The following ARID5B variants were observed in gnomAD, a reference collection of about 807,000 sequenced individuals.
ARID5B encodes AT-rich interaction domain 5B, also known as AT-rich interactive domain-containing protein 5B.
A neutral mutation model predicts 97.2 loss-of-function variants in ARID5B; 13 were observed. The ratio of observed to expected loss-of-function variants is 0.13; its 90% CI spans 0.09 to 0.21. ARID5B has a LOEUF of 0.21. Ranked by LOEUF, ARID5B falls within the 10% of genes least tolerant of loss-of-function variation. ARID5B has a pLI of 1.00. For missense variants in ARID5B, 1,210 were observed against 1,465.3 expected, an observed-to-expected ratio of 0.83 and a Z score of 2.84; for synonymous variants, 556 against 570.3, an observed-to-expected ratio of 0.97 and a Z score of 0.36.
In ARID5B at chr10:62,096,830, C is replaced by T; in HGVS notation, c.*3800C>T. The T allele has an allele frequency of 4.3e-6, 1 of 233,434 alleles. No homozygotes were observed. Among genetic ancestry groups the T allele is most frequent in the South Asian group, 1.8e-4 (1 of 5,528 alleles). 14.5% of individuals were successfully genotyped at this position (233,434 alleles called of 1,614,324 possible). On this transcript the variant is annotated 3_prime_UTR_variant, in exon 10 of 10. Coordinates refer to ENST00000279873, the MANE Select transcript of ARID5B (RefSeq NM_032199.3). ...TATGTTTTCCAAATTGTACTTATTACTGCTTTTGATACTGTATTACGTGCC... is the reference window on the plus strand; with the variant it reads ...TATGTTTTCCAAATTGTACTTATTATTGCTTTTGATACTGTATTACGTGCC...
At chr10:62,030,466 G>A (rs1416296924) in intron 4 of ARID5B, among the ~76,000 whole-genome samples, 6 of 152,126 alleles carry the variant, frequency 3.9e-5, no homozygotes, top group Non-Finnish European at 5.9e-5. Context: ...CGCACAACAG[G>A]AAAAGCAGAA....
chr10:61,963,167 A>G lies in ARID5B; in HGVS notation c.502+22759A>G, dbSNP rs199925018. Among the ~76,000 whole-genome samples the G allele has an allele frequency of 7.9e-5, 12 of 152,338 alleles. No individual in the cohort carries two copies. In the East Asian group the frequency reaches 1.3e-3, roughly 17 times the overall value. ...AAATAGAAAATATTCTTAAAGAAAA[A>G]TAAGATATTCCCGCATGTCTCTCTT... On this transcript the variant is annotated intron_variant, in intron 3 of 9. Transcript: ENST00000279873.
rs1170439376 is a variant in ARID5B at position 62,041,593 on chromosome 10, T to C, written c.734-9295T>C. Among the ~76,000 whole-genome samples, 4 of 152,220 alleles carry C rather than the reference T, an allele frequency of 2.6e-5. No homozygotes were observed. The South Asian group carries it at 8.3e-4, about 32-fold the overall frequency. On this transcript the variant is annotated intron_variant, in intron 4 of 9. Transcript: ENST00000279873. ...GTTTCTTATGTGTATGTCTTTTAAATATTAAAATGTATCCCATGACATACT... is the reference window on the plus strand; with the variant it reads ...GTTTCTTATGTGTATGTCTTTTAAACATTAAAATGTATCCCATGACATACT...
chr10:61,945,668 C>T (rs1844487656), intron 3 of ARID5B, among the ~76,000 whole-genome samples: 1 of 151,976 alleles, frequency 6.6e-6, no homozygotes, highest in Non-Finnish European at 1.5e-5. Context: ...ATAATATGTA[C>T]CTGGCTGTTT....
chr10:61,979,510 C>CGG (rs1322625574), intron 3 of ARID5B, among the ~76,000 whole-genome samples: 1 of 152,186 alleles, frequency 6.6e-6, no homozygotes, highest in Non-Finnish European at 1.5e-5. Flanking sequence ...GCCAACACTT[C>CGG]TCCCCATGAC....
At chr10:62,083,782 A>G (rs539517134) in intron 8 of ARID5B, among the ~76,000 whole-genome samples, 3 of 152,376 alleles carry the variant, frequency 2.0e-5, no homozygotes, top group Non-Finnish European at 2.9e-5. Flanking sequence ...TTGCTCCCAG[A>G]CAAAAATCCA....
chr10:62,000,468 C>A lies in ARID5B; in HGVS notation c.733+147C>A. 1.5e-6 allele frequency: 1 copy of A among 667,056 alleles called. No individual in the cohort carries two copies. The highest frequency in any genetic ancestry group is 1.9e-5 in the African/African-American group (1 of 53,590). 41.3% of individuals were successfully genotyped at this position (667,056 alleles called of 1,614,324 possible). On this transcript the variant is annotated intron_variant, in intron 4 of 9. Transcript: ENST00000279873. This position sits in a 1 kb window ranked among gnomAD's most constrained non-coding sequence, Gnocchi z 4.4. Reference sequence around the variant, plus strand: ...ACCCCTCCCATCCCCCAAATTATTGCGGCATAAGGCGTCATTGCCTCCTTC... The same window carrying A: ...ACCCCTCCCATCCCCCAAATTATTGAGGCATAAGGCGTCATTGCCTCCTTC...
chr10:62,055,143 G>A (rs549268981), intron 5 of ARID5B, among the ~76,000 whole-genome samples: 18 of 152,266 alleles, frequency 1.2e-4, no homozygotes, highest in African/African-American at 3.1e-4. Context: ...GGTAGGTTTC[G>A]TAATGCCTGG....
intron 4 of ARID5B, among the ~76,000 whole-genome samples, chr10:62,020,174 TG>T (rs1292174117): frequency 1.3e-5 from 2 of 152,222 alleles, no homozygotes; most frequent in Non-Finnish European, 2.9e-5. Context: ...GTCACTCCCC[TG>T]GGTTCCAAAT....
At chr10:61,914,360 G>A (rs984139635) in intron 2 of ARID5B, among the ~76,000 whole-genome samples, 2 of 152,186 alleles carry the variant, frequency 1.3e-5, no homozygotes, top group African/African-American at 4.8e-5. Flanking sequence ...CAGTTAAAGT[G>A]AGTGCCTACT....
intron 3 of ARID5B, among the ~76,000 whole-genome samples, chr10:61,986,967 A>G (rs1235380954): frequency 6.6e-6 from 1 of 152,166 alleles, no homozygotes; most frequent in Non-Finnish European, 1.5e-5. Flanking sequence ...GACTATAGAG[A>G]TGGGGTTAGG....
At chr10:62,061,367 G>A (rs2132943997) in intron 7 of ARID5B, among the ~76,000 whole-genome samples, 1 of 152,316 alleles carries the variant, frequency 6.6e-6, no homozygotes, top group Non-Finnish European at 1.5e-5. Context: ...TCAAATAAGG[G>A]AAAATATATG....
intron 9 of ARID5B, among the ~76,000 whole-genome samples, chr10:62,090,035 G>A (rs186372111): frequency 1.1e-3 from 162 of 152,276 alleles, no homozygotes; most frequent in African/African-American, 3.7e-3. Context: ...TAAATGAGTC[G>A]AATTGGTACC....
chr10:61,940,399 G>A lies in ARID5B; in HGVS notation c.493G>A (p.Ala165Thr). Residue 165 changes from alanine (A) to threonine (T), a missense_variant, in exon 3 of 10, where the codon GCA becomes ACA. Coordinates refer to ENST00000279873, the MANE Select transcript of ARID5B (RefSeq NM_032199.3). Reference sequence around the variant, plus strand: ...CTTCAAAGACGTTCTCAAGGAGAAGGCAGACCTGGGTAAATATGACTTGTA... The same window carrying A: ...CTTCAAAGACGTTCTCAAGGAGAAGACAGACCTGGGTAAATATGACTTGTA... ...LNFKDVLKEK[A>T]DLGEDEEETN... 9 of 1,612,762 alleles carry A rather than the reference G, an allele frequency of 5.6e-6. No individual in the cohort carries two copies. The highest frequency in any genetic ancestry group is 7.6e-6 in the Non-Finnish European group (9 of 1,179,340).
intron 3 of ARID5B, among the ~76,000 whole-genome samples, chr10:61,993,810 G>A (rs537191656): frequency 1.3e-5 from 2 of 152,280 alleles, no homozygotes; most frequent in Admixed American, 6.5e-5. Flanking sequence ...GTTGCTAGGA[G>A]CACAGTGAAA....
intron 4 of ARID5B, among the ~76,000 whole-genome samples, chr10:62,012,379 C>G (rs1350537993): frequency 6.6e-6 from 1 of 152,056 alleles, no homozygotes; most frequent in Non-Finnish European, 1.5e-5. Context: ...CAAAAATTAG[C>G]CAAGAGTGAT....
chr10:62,024,362 G>C lies in ARID5B; in HGVS notation c.733+24041G>C, dbSNP rs76469236. On this transcript the variant is annotated intron_variant, in intron 4 of 9. Coordinates refer to ENST00000279873, the MANE Select transcript of ARID5B (RefSeq NM_032199.3). ...ACACCTGTTGTCTTTGTAGCAGCCA[G>C]TGATTACTGCACATGCTCAATTCTT... Among the ~76,000 whole-genome samples, 147 of 152,322 alleles carry C rather than the reference G, an allele frequency of 9.7e-4. 3 individuals are homozygous for C. In the East Asian group the frequency reaches 0.027, roughly 28 times the overall value.
intron 4 of ARID5B, among the ~76,000 whole-genome samples, chr10:62,008,054 GC>G (rs1839168379): frequency 2.7e-4 from 3 of 11,000 alleles, no homozygotes; most frequent in Non-Finnish European, 4.2e-4. Flanking sequence ...CACCTCCCCC[GC>G]CCCACAACAC....
At chr10:62,052,083 T>C (rs1396831613) in intron 5 of ARID5B, among the ~76,000 whole-genome samples, 2 of 152,206 alleles carry the variant, frequency 1.3e-5, no homozygotes, top group African/African-American at 4.8e-5. Flanking sequence ...TTTAAGGACT[T>C]TTTTGCTTAG....
Sources: gnomAD v4.1 joint callset for allele counts (sites outside exome capture counted in the v4.1 genomes callset) on GRCh38, gnomAD v4.1.1 for gene constraint, Gnocchi (gnomAD v3.1) non-coding constraint, MANE v1.5 for transcripts, NCBI Gene and HGNC (gene_info 2026-07-23, HGNC 2026-07-21) for gene names.